Variants in KDM4C observed in about 807,000 individuals in gnomAD.
KDM4C encodes the protein lysine-specific demethylase 4C.
Under a neutral mutation model 129.3 loss-of-function variants are expected in KDM4C, and 81 were observed. That is an observed-to-expected ratio of 0.63 (90% CI 0.52 to 0.75). The LOEUF (loss-of-function observed/expected upper bound fraction) is 0.75. Ranked by LOEUF, KDM4C falls within the 30% of genes least tolerant of loss-of-function variation. The probability of loss-of-function intolerance (pLI) is 0.00; values close to 1 mark genes in which losing one functional copy is unlikely to be tolerated. For missense variants in KDM4C, 1,457 were observed against 1,304.0 expected, an observed-to-expected ratio of 1.12 and a Z score of -1.81; for synonymous variants, 573 against 456.1, an observed-to-expected ratio of 1.26 and a Z score of -3.26.
chr9:6,805,643 C>T lies in KDM4C; in HGVS notation c.189C>T (p.Asp63=). 6.2e-7 allele frequency: 1 copy of T among 1,613,864 alleles called. No individual in the cohort carries two copies. The highest frequency in any genetic ancestry group is 2.2e-5 in the East Asian group (1 of 44,868). ...KEWKPRQCYD[D]IDNLLIPAPI... ...GGAAGCCAAGACAGTGCTATGATGA[C>T]ATTGATAATTTGCTCATTCCAGCAC... is the stretch of plus-strand genomic sequence containing the variant. The change falls in exon 3 of 22, where the codon GAC becomes GAT. Residue 63 remains aspartate (D), a synonymous_variant. Transcript: ENST00000381309.
At chr9:6,904,227 A>G (rs1367478559) in intron 8 of KDM4C, among the ~76,000 whole-genome samples, 1 of 152,092 alleles carries the variant, frequency 6.6e-6, no homozygotes, top group Non-Finnish European at 1.5e-5. Context: ...CAACAGAGTG[A>G]GACTCCATCT....
At chr9:6,905,577 C>G (rs930776682) in intron 8 of KDM4C, among the ~76,000 whole-genome samples, 5 of 152,126 alleles carry the variant, frequency 3.3e-5, no homozygotes, top group Admixed American at 2.6e-4. Context: ...AATCCTAAGC[C>G]CTAAAATGAT....
At position 7,076,643 on chromosome 9, in the gene KDM4C, T is replaced by C. The variant is rs1168984729; in HGVS notation, c.2425-27042T>C. The C allele has an allele frequency of 8.3e-6, 11 of 1,329,528 alleles. No homozygotes were observed. The South Asian group carries it at 1.4e-4, about 17-fold the overall frequency. 82.4% of individuals were successfully genotyped at this position (1,329,528 alleles called of 1,614,324 possible). A position where few individuals can be genotyped will look rare whatever the true frequency, so the allele number is the denominator to read the frequency against. On this transcript the variant is annotated intron_variant, in intron 17 of 21. Coordinates refer to ENST00000381309, the MANE Select transcript of KDM4C (RefSeq NM_015061.6). ...CCTGATTGAGTCAGACCCTGGACTTTCCCTTTTGTATCTGTCATTTTCCTC... is the reference window on the plus strand; with the variant it reads ...CCTGATTGAGTCAGACCCTGGACTTCCCCTTTTGTATCTGTCATTTTCCTC...
rs191992837 is a variant in KDM4C, at chr9:7,072,027, A to G, written c.2424+22827A>G. Among the ~76,000 whole-genome samples, 15 of 152,348 alleles carry G rather than the reference A, an allele frequency of 9.8e-5. 1 individual carries two copies. The East Asian group carries it at 2.9e-3, about 29-fold the overall frequency. ...TCTTACACTTCACTAGAGGACATAC[A>G]TAGACAGCACATAAGTACATGACAA... On this transcript the variant is annotated intron_variant, in intron 17 of 21. Coordinates refer to ENST00000381309, the MANE Select transcript of KDM4C (RefSeq NM_015061.6).
At chr9:6,787,047 A>G (rs947670575) in intron 1 of KDM4C, among the ~76,000 whole-genome samples, 3 of 152,204 alleles carry the variant, frequency 2.0e-5, no homozygotes, top group African/African-American at 4.8e-5. Flanking sequence ...TCTTTAATCT[A>G]TGTATCTGAT....
At chr9:6,990,927 C>CT (rs1563944803) in intron 12 of KDM4C, among the ~76,000 whole-genome samples, 1 of 152,136 alleles carries the variant, frequency 6.6e-6, no homozygotes, top group African/African-American at 2.4e-5. Context: ...CAGTAAAAGT[C>CT]TATGTGCCAT....
intron 15 of KDM4C, among the ~76,000 whole-genome samples, chr9:7,032,966 A>T (rs1024410905): frequency 7.9e-5 from 12 of 152,148 alleles, no homozygotes; most frequent in African/African-American, 2.9e-4. Flanking sequence ...CCTTTCCCAG[A>T]ACTGGATAAC....
chr9:7,147,939 C>T (rs1842362841), intron 19 of KDM4C, among the ~76,000 whole-genome samples: 1 of 152,226 alleles, frequency 6.6e-6, no homozygotes, highest in Non-Finnish European at 1.5e-5. Context: ...CTCAGCCCAG[C>T]AGGCTGTGCT....
intron 8 of KDM4C, among the ~76,000 whole-genome samples, chr9:6,906,944 G>A (rs1278676650): frequency 6.6e-6 from 1 of 152,142 alleles, no homozygotes; most frequent in Non-Finnish European, 1.5e-5. Context: ...TTATTTCATG[G>A]GAACAATCTA....
intron 19 of KDM4C, among the ~76,000 whole-genome samples, chr9:7,142,630 A>G (rs993705865): frequency 6.6e-6 from 1 of 152,244 alleles, no homozygotes; most frequent in Admixed American, 6.5e-5. Context: ...ACTTTGGTAG[A>G]TAAAATGTGT....
chr9:6,835,723 C>G (rs1835762176), intron 4 of KDM4C: 2 of 638,014 alleles, frequency 3.1e-6, no homozygotes, highest in East Asian at 2.7e-5. Flanking sequence ...GATTTAAAAA[C>G]TGGAACGGTG....
chr9:6,832,184 C>A (rs963520323), intron 4 of KDM4C, among the ~76,000 whole-genome samples: 1 of 151,260 alleles, frequency 6.6e-6, no homozygotes, highest in South Asian at 2.1e-4. Context: ...TAAAAAAATA[C>A]AAAAAATTAG....
chr9:7,125,721 G>A (rs75760205), intron 18 of KDM4C, among the ~76,000 whole-genome samples: 1 of 152,192 alleles, frequency 6.6e-6, no homozygotes, highest in Admixed American at 6.5e-5. Flanking sequence ...AAAGACTGGG[G>A]TTTAATGAGT....
chr9:6,925,225 T>C, intron 8 of KDM4C: 1 of 985,406 alleles, frequency 1.0e-6, no homozygotes, highest in Non-Finnish European at 1.2e-6. Flanking sequence ...GTGAGAGCTG[T>C]GGCAGAGCTT....
intron 15 of KDM4C, among the ~76,000 whole-genome samples, chr9:7,037,724 A>G (rs1466891500): frequency 6.6e-6 from 1 of 152,128 alleles, no homozygotes; most frequent in Admixed American, 6.6e-5. Context: ...TTTATCTTTT[A>G]ACCACCCTGA....
At chr9:6,853,107 A>G (rs545110875) in intron 5 of KDM4C, among the ~76,000 whole-genome samples, 9 of 151,898 alleles carry the variant, frequency 5.9e-5, no homozygotes, top group Non-Finnish European at 1.3e-4. Context: ...GATGCCCTGT[A>G]AAGAATTGTT....
chr9:7,080,697 A>G (rs1030800117), intron 17 of KDM4C, among the ~76,000 whole-genome samples: 3 of 152,244 alleles, frequency 2.0e-5, no homozygotes, highest in Non-Finnish European at 4.4e-5. Context: ...GACAAAAAAT[A>G]TAATTTAAGC....
intron 8 of KDM4C, among the ~76,000 whole-genome samples, chr9:6,908,618 A>T (rs10123354): frequency 0.02 from 3,052 of 151,218 alleles, 87 homozygotes; most frequent in South Asian, 0.1. Context: ...TCTTGGGGGG[A>T]GGATGTAGTC....
At chr9:7,061,671 T>G (rs1396625344) in intron 17 of KDM4C, among the ~76,000 whole-genome samples, 1 of 152,188 alleles carries the variant, frequency 6.6e-6, no homozygotes, top group East Asian at 1.9e-4. Context: ...TCAGTGCTCC[T>G]TAGGGAAAAG....
Sources: gnomAD v4.1 joint callset for allele counts (sites outside exome capture counted in the v4.1 genomes callset) on GRCh38, gnomAD v4.1.1 for gene constraint, MANE v1.5 for transcripts, NCBI Gene and HGNC (gene_info 2026-07-23, HGNC 2026-07-21) for gene names.